VLDLR: variants seen among roughly 807,000 people sequenced by gnomAD.
VLDLR encodes very low density lipoprotein receptor.
Under a neutral mutation model 112.7 loss-of-function variants are expected in VLDLR, and 81 were observed. The ratio of observed to expected loss-of-function variants is 0.72; its 90% CI spans 0.60 to 0.86. The LOEUF is 0.86. Among genes scored for constraint, VLDLR ranks in the 40% least tolerant of loss-of-function variants. The probability of loss-of-function intolerance (pLI) is 0.00; values close to 1 mark genes in which losing one functional copy is unlikely to be tolerated. For missense variants in VLDLR, 1,237 were observed against 1,099.4 expected, an observed-to-expected ratio of 1.13 and a Z score of -1.77; for synonymous variants, 436 against 384.8, an observed-to-expected ratio of 1.13 and a Z score of -1.56.
chr9:2,623,414 G>T (rs750942268), intron 1 of VLDLR, among the ~76,000 whole-genome samples: 9 of 152,218 alleles, frequency 5.9e-5, no homozygotes, highest in African/African-American at 2.2e-4. Context: ...AAGCCGCCCA[G>T]GCCCTTAACA....
chr9:2,633,818 T>C (rs1192180627), intron 1 of VLDLR, among the ~76,000 whole-genome samples: 1 of 152,170 alleles, frequency 6.6e-6, no homozygotes, highest in African/African-American at 2.4e-5. Flanking sequence ...GCATTGAGAA[T>C]ATTGCAAACA....
rs1049978279 is a variant in VLDLR, at chr9:2,645,493, C to T, written c.1313-81C>T. ...CCACAATACCTTTATTTTCTAAGTG[C>T]TCCTCTGCTGGGAGGAGGTGGTTTA... is the stretch of plus-strand genomic sequence containing the variant. On this transcript the variant is annotated intron_variant, in intron 9 of 18. Transcript: ENST00000382100. 6.6e-6 allele frequency: 10 copies of T among 1,515,268 alleles called. No homozygotes were observed. The African/African-American group carries it at 6.9e-5, about 10-fold the overall frequency. The allele number at this position is 1,515,268 out of a possible 1,614,324, so 93.9% of individuals were successfully genotyped here.
rs1817561491 is a variant in VLDLR at position 2,635,492 on chromosome 9, C to G, written c.122C>G (p.Thr41Arg). ...TGTGAACCCTCCCAATTCCAGTGCA[C>G]AAATGGTCGCTGTATTACGCTGTTG... ...AKCEPSQFQC[T>R]NGRCITLLWK... The change falls in exon 2 of 19, where the codon ACA becomes AGA. Residue 41 changes from threonine (T) to arginine (R), a missense_variant. Transcript: ENST00000382100. The G allele has an allele frequency of 6.2e-6, 10 of 1,614,066 alleles. No homozygotes were observed. The East Asian group carries it at 2.2e-4, about 36-fold the overall frequency.
intron 7 of VLDLR, among the ~76,000 whole-genome samples, chr9:2,644,251 C>T (rs762375026): frequency 4.7e-5 from 7 of 148,768 alleles, no homozygotes; most frequent in South Asian, 2.2e-4. Context: ...CTCTGCCTCC[C>T]GGGTTCAAGC....
chr9:2,639,039 T>G (rs897786542), intron 2 of VLDLR, among the ~76,000 whole-genome samples: 2 of 152,238 alleles, frequency 1.3e-5, no homozygotes, highest in African/African-American at 4.8e-5. Flanking sequence ...GGTTTGGCCT[T>G]CATTCTCCAC....
At chr9:2,638,007 C>T (rs1023081480) in intron 2 of VLDLR, among the ~76,000 whole-genome samples, 1 of 152,140 alleles carries the variant, frequency 6.6e-6, no homozygotes, top group South Asian at 2.1e-4. Context: ...TCTTTACAGC[C>T]ATTCCGCTAC....
At chr9:2,647,727 G>A (rs1818138550) in intron 12 of VLDLR, 135 bp downstream of exon 12, 3 of 807,772 alleles carry the variant, frequency 3.7e-6, no homozygotes, top group Non-Finnish European at 6.5e-6. Flanking sequence ...TTCAATGGGA[G>A]TAACTGAACA....
At chr9:2,643,112 C>T (rs367800629) in intron 4 of VLDLR, 48 bp from the exon 5 acceptor site, 35 of 1,600,316 alleles carry the variant, frequency 2.2e-5, no homozygotes, top group Admixed American at 3.3e-5. Flanking sequence ...GAATCTTGAA[C>T]GGACCAATCT....
At chr9:2,646,614 TCATAC>T (rs1733666231) in intron 11 of VLDLR, 62 bp downstream of exon 11, 3 of 1,460,630 alleles carry the variant, frequency 2.1e-6, no homozygotes. Flanking sequence ...AGGAGCTTTC[TCATAC>T]CTGAATTAGT....
intron 10 of VLDLR, 122 bp downstream of exon 10, chr9:2,645,867 G>C: frequency 2.7e-6 from 3 of 1,120,834 alleles, no homozygotes; most frequent in Non-Finnish European, 4.0e-6. Flanking sequence ...AATTACCTGG[G>C]GACATTAAAT....
chr9:2,622,469 G>A (rs1816854366), intron 1 of VLDLR, 198 bp downstream of exon 1: 3 of 489,364 alleles, frequency 6.1e-6, no homozygotes, highest in Non-Finnish European at 1.0e-5. Context: ...TTGGGGAACA[G>A]CGGGGTTCGG....
In VLDLR at chr9:2,650,463, C is replaced by A. The variant is rs1330625922; in HGVS notation, c.2198C>A (p.Thr733Asn). Reference sequence around the variant, plus strand: ...ATTAATGATCACTCTCCAAAATATACCTGTTCCTGTCCCAGTGGGTACAAT... The same window carrying A: ...ATTAATGATCACTCTCCAAAATATAACTGTTCCTGTCCCAGTGGGTACAAT... ...PQINDHSPKY[T>N]CSCPSGYNVE... The change falls in exon 15 of 19, where the codon ACC becomes AAC. Residue 733 changes from threonine to asparagine, a missense_variant. Physicochemically the swap from Thr to Asn is moderately conservative, Grantham distance 65. Coordinates refer to ENST00000382100, the MANE Select transcript of VLDLR (RefSeq NM_003383.5). 11 of 1,613,920 alleles carry A rather than the reference C, an allele frequency of 6.8e-6. No homozygotes were observed. Among genetic ancestry groups the A allele is most frequent in the Non-Finnish European group, 9.3e-6 (11 of 1,179,996 alleles).
rs763380430 is a variant in VLDLR at position 2,646,559 on chromosome 9, A to T, written c.1703+7A>T. 1 of 1,613,838 alleles carries T rather than the reference A, an allele frequency of 6.2e-7. No homozygotes were observed. The highest frequency in any genetic ancestry group is 8.5e-7 in the Non-Finnish European group (1 of 1,179,840). On this transcript the variant is annotated splice_region_variant and intron_variant, in intron 11 of 18. Transcript: ENST00000382100. ...CTGTGGACCCACTGTCTGGGTTTGTAGTCTGTTTTCCATCACAGACTTTGG... is the reference window on the plus strand; with the variant it reads ...CTGTGGACCCACTGTCTGGGTTTGTTGTCTGTTTTCCATCACAGACTTTGG...
In VLDLR at chr9:2,643,850, G is replaced by C. The variant is rs1028943622; in HGVS notation, c.957G>C (p.Leu319Phe). ...EVNCKNVNQCLGPGKFKCRSG... is the reference protein window; with the variant it reads ...EVNCKNVNQCFGPGKFKCRSG... The stretch of plus-strand genomic sequence containing the variant: ...TTCTCTTTGTAGTCAATCAGTGCTT[G>C]GGCCCTGGAAAATTCAAGTGCAGAA... Residue 319 changes from leucine to phenylalanine, a missense_variant, in exon 7 of 19, where the codon TTG becomes TTC. Transcript: ENST00000382100. 1 of 1,614,164 alleles carries C rather than the reference G, an allele frequency of 6.2e-7. No individual in the cohort carries two copies.
At chr9:2,636,438 C>T (rs1817601999) in intron 2 of VLDLR, among the ~76,000 whole-genome samples, 1 of 152,240 alleles carries the variant, frequency 6.6e-6, no homozygotes, top group East Asian at 1.9e-4. Context: ...GTTTCATCAA[C>T]TGCCATCTTG....
chr9:2,636,790 C>T (rs968285245), intron 2 of VLDLR, among the ~76,000 whole-genome samples: 2 of 152,206 alleles, frequency 1.3e-5, no homozygotes, highest in Admixed American at 1.3e-4. Context: ...CTAAATATCT[C>T]CTTAGAGAGT....
intron 1 of VLDLR, among the ~76,000 whole-genome samples, chr9:2,623,723 A>G (rs940378231): frequency 1.3e-5 from 2 of 152,228 alleles, no homozygotes; most frequent in Non-Finnish European, 2.9e-5. Flanking sequence ...GTTATTTTCA[A>G]TGGAAAGTAG....
chr9:2,647,341 C>A, intron 11 of VLDLR, 133 bp from the exon 12 acceptor site: 1 of 732,550 alleles, frequency 1.4e-6, no homozygotes, highest in South Asian at 1.5e-5. Flanking sequence ...ATAATTTAGA[C>A]CCTTAAGTGT....
At position 2,645,747 on chromosome 9, in the gene VLDLR, T is replaced by G; in HGVS notation, c.1484+2T>G. 1 of 1,614,202 alleles carries G rather than the reference T, an allele frequency of 6.2e-7. No homozygotes were observed. Among genetic ancestry groups the G allele is most frequent in the Non-Finnish European group, 8.5e-7 (1 of 1,180,028 alleles). On this transcript the variant is annotated splice_donor_variant, in intron 10 of 18. Transcript: ENST00000382100. LOFTEE classifies it high-confidence loss of function. ...TCTAAGCCAAAAGGCTATCTTCAGG[T>G]AACTTTCAGTTCCTTTTGTGGTGTC...
Sources: allele counts gnomAD v4.1 joint callset (sites outside exome capture counted in the v4.1 genomes callset), GRCh38; gene constraint gnomAD v4.1.1; transcripts MANE v1.5; gene names NCBI Gene and HGNC (gene_info 2026-07-23, HGNC 2026-07-21).